NLK: variants seen among roughly 807,000 people sequenced by gnomAD.
The protein encoded by NLK is serine/threonine-protein kinase NLK.
A neutral mutation model predicts 59.0 loss-of-function variants in NLK; 11 were observed. The observed-to-expected ratio is 0.19, with a 90% CI of 0.12 to 0.31. NLK has a LOEUF of 0.31. NLK is among the 10% of genes least tolerant of loss of function. The probability of loss-of-function intolerance (pLI) is 1.00; values close to 1 mark genes in which losing one functional copy is unlikely to be tolerated. For synonymous variants in NLK, 235 were observed against 235.9 expected (o/e 1.00, Z 0.03); for missense variants, 410 against 661.1 (o/e 0.62, Z 4.16).
chr17:28,186,229 T>G (rs1909110955), intron 8 of NLK, among the ~76,000 whole-genome samples: 1 of 152,212 alleles, frequency 6.6e-6, no homozygotes, highest in East Asian at 1.9e-4. Context: ...TGCAACTTTC[T>G]CAGAAGATAT....
chr17:28,113,897 C>T (rs1474187446), intron 1 of NLK, among the ~76,000 whole-genome samples: 2 of 152,100 alleles, frequency 1.3e-5, no homozygotes, highest in African/African-American at 4.8e-5. Context: ...CTTCCTTTCC[C>T]GACAGTTTCT....
intron 1 of NLK, among the ~76,000 whole-genome samples, chr17:28,108,954 G>A (rs1597685282): frequency 1.3e-5 from 2 of 152,222 alleles, no homozygotes; most frequent in South Asian, 2.1e-4. Flanking sequence ...GGATCATGAG[G>A]TCAGGAGATC....
intron 3 of NLK, among the ~76,000 whole-genome samples, chr17:28,135,949 T>C (rs1218195375): frequency 6.6e-6 from 1 of 152,208 alleles, no homozygotes; most frequent in Non-Finnish European, 1.5e-5. Context: ...TTTCAAATAC[T>C]TACAAAACAG....
intron 1 of NLK, among the ~76,000 whole-genome samples, chr17:28,067,329 A>G (rs192665669): frequency 1.4e-4 from 21 of 152,292 alleles, no homozygotes; most frequent in Admixed American, 1.4e-3. Context: ...CAAAAAGAAC[A>G]TCTATTCATT....
At chr17:28,181,118 G>T (rs944875346) in intron 7 of NLK, among the ~76,000 whole-genome samples, 2 of 152,044 alleles carry the variant, frequency 1.3e-5, no homozygotes, top group African/African-American at 4.8e-5. Flanking sequence ...AGTTAGTGAG[G>T]GTGGGTGCGG....
intron 5 of NLK, 51 bp from the exon 6 acceptor site, chr17:28,168,397 C>G: frequency 7.8e-7 from 1 of 1,281,684 alleles, no homozygotes; most frequent in Admixed American, 1.8e-5. Flanking sequence ...TTTTGTTTTA[C>G]TCTTTCATTT....
At chr17:28,083,123 TCA>T (rs1910403420) in intron 1 of NLK, among the ~76,000 whole-genome samples, 1 of 152,218 alleles carries the variant, frequency 6.6e-6, no homozygotes, top group African/African-American at 2.4e-5. Context: ...GCATTTGTTT[TCA>T]GTTATGAGCA....
chr17:28,112,514 A>G (rs1346129839), intron 1 of NLK, among the ~76,000 whole-genome samples: 1 of 152,070 alleles, frequency 6.6e-6, no homozygotes, highest in East Asian at 1.9e-4. Flanking sequence ...TAAATTTGTC[A>G]TTTGACTTTG....
At chr17:28,045,318 T>C (rs1231815264) in intron 1 of NLK, among the ~76,000 whole-genome samples, 2 of 152,232 alleles carry the variant, frequency 1.3e-5, no homozygotes, top group African/African-American at 4.8e-5. Context: ...AGCACAGTGC[T>C]TTGGCATCTT....
At chr17:28,044,943 T>C (rs1214215193) in intron 1 of NLK, among the ~76,000 whole-genome samples, 3 of 152,220 alleles carry the variant, frequency 2.0e-5, no homozygotes, top group Non-Finnish European at 4.4e-5. Context: ...TCAAAAGGCA[T>C]TTTTCACTTA....
downstream of NLK, among the ~76,000 whole-genome samples, chr17:28,197,822 A>C (rs960440783): frequency 6.6e-6 from 1 of 152,206 alleles, no homozygotes. Flanking sequence ...AATTAAGACA[A>C]CTTTTAAGAT....
At chr17:28,136,844 C>T (rs1906769598) in intron 3 of NLK, among the ~76,000 whole-genome samples, 1 of 151,472 alleles carries the variant, frequency 6.6e-6, no homozygotes, top group Non-Finnish European at 1.5e-5. Context: ...CACAGGTGAT[C>T]TGCCGCTTTG....
intron 6 of NLK, 40 bp downstream of exon 6, chr17:28,168,697 C>CAACTAA: frequency 1.3e-6 from 2 of 1,502,372 alleles, no homozygotes; most frequent in Non-Finnish European, 1.9e-6. Context: ...AATTCTATTG[C>CAACTAA]AGATTTGAAG....
chr17:28,070,358 T>C (rs1162247200), intron 1 of NLK, among the ~76,000 whole-genome samples: 1 of 148,012 alleles, frequency 6.8e-6, no homozygotes, highest in Non-Finnish European at 1.5e-5. Flanking sequence ...AAATTAATTT[T>C]TTTTTTTTTT....
chr17:28,162,107 C>G (rs909409832), intron 4 of NLK, among the ~76,000 whole-genome samples: 26 of 152,060 alleles, frequency 1.7e-4, no homozygotes, highest in African/African-American at 5.3e-4. Flanking sequence ...GATTCGCCTC[C>G]CAGGTTCACG....
intron 1 of NLK, among the ~76,000 whole-genome samples, chr17:28,096,407 G>C (rs1904701400): frequency 6.6e-6 from 1 of 152,180 alleles, no homozygotes; most frequent in Non-Finnish European, 1.5e-5. Context: ...TTGTGACTCA[G>C]TGGTATAGAC....
chr17:28,053,093 G>A (rs930870843), intron 1 of NLK, among the ~76,000 whole-genome samples: 1 of 151,578 alleles, frequency 6.6e-6, no homozygotes, highest in East Asian at 1.9e-4. Context: ...GGCTTTTGTT[G>A]GATTACATAC....
chr17:28,100,554 A>G (rs1904869659), intron 1 of NLK, among the ~76,000 whole-genome samples: 1 of 152,212 alleles, frequency 6.6e-6, no homozygotes, highest in South Asian at 2.1e-4. Context: ...CCATCTGCAT[A>G]AAGTGTGGAG....
rs1188659045 is a variant in NLK, at chr17:28,196,051, A to T, written c.*1415A>T. The stretch of plus-strand genomic sequence containing the variant: ...TTTTCAACTTGAGTGATCTGAGCTG[A>T]ATTTGAAGACTATTAATAAGTTATG... On this transcript the variant is annotated 3_prime_UTR_variant, in exon 11 of 11. Coordinates refer to ENST00000407008, the MANE Select transcript of NLK (RefSeq NM_016231.5). 1 of 152,640 alleles carries T rather than the reference A, an allele frequency of 6.6e-6. No homozygotes were observed. The allele number at this position is 152,640 out of a possible 1,614,324, so 9.5% of individuals were successfully genotyped here.
Sources: gnomAD v4.1 joint callset for allele counts (sites outside exome capture counted in the v4.1 genomes callset) on GRCh38, gnomAD v4.1.1 for gene constraint, MANE v1.5 for transcripts, NCBI Gene and HGNC (gene_info 2026-07-23, HGNC 2026-07-21) for gene names.